OLA1: variants seen among roughly 807,000 people sequenced by gnomAD.
The protein encoded by OLA1 is obg-like ATPase 1.
Under a neutral mutation model 48.4 loss-of-function variants are expected in OLA1, and 14 were observed. The observed-to-expected ratio is 0.29, with a 90% CI of 0.19 to 0.45. OLA1 has a LOEUF of 0.45. Ranked by LOEUF, OLA1 falls within the 20% of genes least tolerant of loss-of-function variation. The pLI is 1.00. For missense variants in OLA1, 325 were observed against 467.1 expected (o/e 0.70, Z 2.80); for synonymous variants, 127 against 150.4 (o/e 0.84, Z 1.14).
chr2:174,102,128 T>G (rs2105353266), intron 7 of OLA1, among the ~76,000 whole-genome samples: 1 of 152,226 alleles, frequency 6.6e-6, no homozygotes, highest in Admixed American at 6.5e-5. Context: ...AGAGCAATCC[T>G]TCTCAAAGTA....
At chr2:174,215,789 T>C (rs763659724) in intron 4 of OLA1, among the ~76,000 whole-genome samples, 2 of 152,204 alleles carry the variant, frequency 1.3e-5, no homozygotes, top group African/African-American at 4.8e-5. Flanking sequence ...TTGTAGTCCA[T>C]ATTGTACTAC....
chr2:174,123,934 T>C (rs1178398398), intron 5 of OLA1, among the ~76,000 whole-genome samples: 1 of 152,102 alleles, frequency 6.6e-6, no homozygotes, highest in East Asian at 1.9e-4. Context: ...GACAATTCAA[T>C]TACATCAAAG....
chr2:174,099,567 T>C (rs1685342590), intron 7 of OLA1, among the ~76,000 whole-genome samples: 1 of 152,200 alleles, frequency 6.6e-6, no homozygotes, highest in East Asian at 1.9e-4. Context: ...TCTGGCCATA[T>C]TAGGGAAGAC....
chr2:174,081,387 A>G, intron 8 of OLA1, 139 bp from the exon 9 acceptor site: 1 of 615,036 alleles, frequency 1.6e-6, no homozygotes, highest in Non-Finnish European at 2.8e-6. Flanking sequence ...AATACACTGG[A>G]AGGGTTCAGA....
intron 5 of OLA1, among the ~76,000 whole-genome samples, chr2:174,135,660 G>C (rs1686293460): frequency 6.6e-6 from 1 of 152,166 alleles, no homozygotes; most frequent in Non-Finnish European, 1.5e-5. Context: ...TGAGGACTGA[G>C]AGTTCAGCCT....
chr2:174,095,942 T>C (rs918699531), intron 7 of OLA1, among the ~76,000 whole-genome samples: 3 of 151,966 alleles, frequency 2.0e-5, no homozygotes, highest in African/African-American at 7.2e-5. Context: ...CATAAAAATA[T>C]AATAATATAG....
rs1046824296 is a variant in OLA1, at chr2:174,075,412, G to A, written c.*14C>T. The A allele has an allele frequency of 3.4e-6, 5 of 1,473,356 alleles. No individual in the cohort carries two copies. The Admixed American group carries it at 6.8e-5, about 20-fold the overall frequency. The allele number at this position is 1,473,356 out of a possible 1,614,324, so 91.3% of individuals were successfully genotyped here. Reference sequence around the variant, plus strand: ...TTTTGGAAGTTGTATGTTTATCTGAGCAATAACTAAATTTTATTTCTTCTT... The same window carrying A: ...TTTTGGAAGTTGTATGTTTATCTGAACAATAACTAAATTTTATTTCTTCTT... On this transcript the variant is annotated 3_prime_UTR_variant, in exon 11 of 11. Transcript: ENST00000284719.
At chr2:174,238,805 A>G (rs1310201633) in intron 2 of OLA1, among the ~76,000 whole-genome samples, 1 of 152,184 alleles carries the variant, frequency 6.6e-6, no homozygotes, top group African/African-American at 2.4e-5. Flanking sequence ...AACATATTGT[A>G]CTGAAATATA....
At chr2:174,151,849 G>C (rs1441214536) in intron 4 of OLA1, among the ~76,000 whole-genome samples, 1 of 152,152 alleles carries the variant, frequency 6.6e-6, no homozygotes, top group Admixed American at 6.5e-5. Context: ...ATTGGGGTGC[G>C]AGTGGGGATG....
At chr2:174,246,218 T>C (rs1462159962) in intron 2 of OLA1, among the ~76,000 whole-genome samples, 2 of 147,608 alleles carry the variant, frequency 1.4e-5, no homozygotes, top group Admixed American at 6.8e-5. Flanking sequence ...GAGAATCACT[T>C]GAACCCGGGA....
chr2:174,234,783 G>GAA (rs5836454), intron 2 of OLA1, among the ~76,000 whole-genome samples: 1 of 145,846 alleles, frequency 6.9e-6, no homozygotes, highest in East Asian at 2.0e-4. Flanking sequence ...ACCTTAAGGA[G>GAA]AAAAAAAAAA....
intron 4 of OLA1, among the ~76,000 whole-genome samples, chr2:174,155,003 T>C (rs1686839643): frequency 6.6e-6 from 1 of 152,190 alleles, no homozygotes; most frequent in Non-Finnish European, 1.5e-5. Context: ...ATATCTTTCA[T>C]GGCCTTAATG....
chr2:174,233,133 A>G (rs1688769083), intron 2 of OLA1, among the ~76,000 whole-genome samples: 1 of 152,196 alleles, frequency 6.6e-6, no homozygotes, highest in East Asian at 1.9e-4. Flanking sequence ...TTCCACTTAT[A>G]TTCATATACT....
chr2:174,246,684 G>T, intron 2 of OLA1, 31 bp downstream of exon 2: 1 of 1,386,752 alleles, frequency 7.2e-7, no homozygotes, highest in Non-Finnish European at 1.0e-6. Flanking sequence ...TTTACAAAAT[G>T]AAAATCACAA....
intron 10 of OLA1, among the ~76,000 whole-genome samples, chr2:174,075,873 C>T (rs1684724307): frequency 6.6e-6 from 1 of 152,126 alleles, no homozygotes; most frequent in Admixed American, 6.5e-5. Context: ...TGTAACAAAA[C>T]AGATCAAACC....
At chr2:174,076,378 C>T (rs934574714) in intron 10 of OLA1, among the ~76,000 whole-genome samples, 6 of 152,152 alleles carry the variant, frequency 3.9e-5, no homozygotes, top group Admixed American at 1.3e-4. Flanking sequence ...CCACATGACC[C>T]CACCATCGAC....
At chr2:174,166,223 A>G (rs1687161452) in intron 4 of OLA1, among the ~76,000 whole-genome samples, 1 of 152,126 alleles carries the variant, frequency 6.6e-6, no homozygotes, top group Non-Finnish European at 1.5e-5. Context: ...TTTTTGACCT[A>G]ATTCAGAACA....
Position 174,238,475 on chromosome 2 carries a change from C to G in OLA1, c.101+8240G>C, listed in dbSNP as rs10460369. On this transcript the variant is annotated intron_variant, in intron 2 of 10. Coordinates refer to ENST00000284719, the MANE Select transcript of OLA1 (RefSeq NM_013341.5). ...TGCCACAGAACTCCAGCCTGGGCAA[C>G]AGAGTGAGACTCTATGTCCAAAAAA... Among the ~76,000 whole-genome samples the G allele has an allele frequency of 1.0e-4, 13 of 127,948 alleles. No individual in the cohort carries two copies. In the Admixed American group the frequency reaches 1.2e-3, roughly 12 times the overall value. 83.9% of individuals were successfully genotyped at this position (127,948 alleles called of 152,430 possible). A position where few individuals can be genotyped will look rare whatever the true frequency, so the allele number is the denominator to read the frequency against.
chr2:174,161,057 C>T (rs543853355), intron 4 of OLA1, among the ~76,000 whole-genome samples: 13 of 152,272 alleles, frequency 8.5e-5, no homozygotes, highest in East Asian at 3.9e-4. Flanking sequence ...TCAGCTGCAA[C>T]GTTAAAAAGA....
Sources: gnomAD v4.1 joint callset for allele counts (sites outside exome capture counted in the v4.1 genomes callset) on GRCh38, gnomAD v4.1.1 for gene constraint, MANE v1.5 for transcripts, NCBI Gene and HGNC (gene_info 2026-07-23, HGNC 2026-07-21) for gene names.